LYRM4: variants seen among roughly 807,000 people sequenced by gnomAD.
The protein encoded by LYRM4 is LYR motif containing 4, also known as LYR motif-containing protein 4.
LYRM4 carries 9 observed loss-of-function variants against 11.7 expected under a neutral mutation model. That is an observed-to-expected ratio of 0.77 (90% confidence interval 0.46 to 1.34). The LOEUF is 1.34. Ranked by LOEUF, LYRM4 falls within the 40% of genes most tolerant of loss-of-function variation. LYRM4 has a pLI of 0.00. For synonymous variants in LYRM4, 42 were observed against 40.4 expected, an observed-to-expected ratio of 1.04 and a Z score of -0.15; for missense variants, 133 against 112.5, an observed-to-expected ratio of 1.18 and a Z score of -0.82.
chr6:5,186,676 G>GT, intron 2 of LYRM4: 1 of 985,508 alleles, frequency 1.0e-6, no homozygotes, highest in Non-Finnish European at 1.2e-6. Flanking sequence ...GAAGTGAAAT[G>GT]TAACTACATA....
intron 1 of LYRM4, among the ~76,000 whole-genome samples, chr6:5,242,769 T>G (rs1763960038): frequency 7.3e-6 from 1 of 137,764 alleles, no homozygotes; most frequent in African/African-American, 3.3e-5. Context: ...TTCTGCTCTT[T>G]TTTTTTTTTT....
At chr6:5,060,261 T>A in the LYRM4 span, among the ~76,000 whole-genome samples, 1 of 152,186 alleles carries the variant, frequency 6.6e-6, no homozygotes, top group African/African-American at 2.4e-5. Flanking sequence ...AGAGTGAGCC[T>A]TTTTTTCAAA....
chr6:5,192,922 A>C (rs765553470), intron 2 of LYRM4, among the ~76,000 whole-genome samples: 1 of 152,176 alleles, frequency 6.6e-6, no homozygotes, highest in Admixed American at 6.5e-5. Flanking sequence ...GCTACTCGGG[A>C]GGCTGAGGCA....
intron 2 of LYRM4, among the ~76,000 whole-genome samples, chr6:5,194,243 T>A (rs1244565404): frequency 6.6e-6 from 1 of 152,208 alleles, no homozygotes; most frequent in Non-Finnish European, 1.5e-5. Flanking sequence ...TCCTGAAGGT[T>A]TGGCCAACTG....
At chr6:5,211,053 T>C (rs1407022971) in intron 2 of LYRM4, among the ~76,000 whole-genome samples, 9 of 152,152 alleles carry the variant, frequency 5.9e-5, no homozygotes, top group Admixed American at 5.9e-4. Flanking sequence ...TTTTATAAAT[T>C]CTCTCAAACT....
intron 2 of LYRM4, among the ~76,000 whole-genome samples, chr6:5,155,411 A>G (rs922281983): frequency 1.3e-5 from 2 of 152,134 alleles, no homozygotes; most frequent in Admixed American, 6.5e-5. Context: ...ACTACTACAG[A>G]AACAGGACAG....
intron 1 of LYRM4, 112 bp downstream of exon 1, chr6:5,260,536 C>A (rs1410549107): frequency 7.0e-7 from 1 of 1,420,786 alleles, no homozygotes; most frequent in Admixed American, 2.2e-5. Context: ...GCCTCGCAGC[C>A]GCCGGCAAAC....
At chr6:5,158,473 G>T (rs1022591029) in intron 2 of LYRM4, among the ~76,000 whole-genome samples, 13 of 128,558 alleles carry the variant, frequency 1.0e-4, no homozygotes, top group African/African-American at 2.9e-4. Flanking sequence ...TGGTCTCCAC[G>T]TTTTTTTTTT....
chr6:5,173,907 C>A (rs1042703247), intron 2 of LYRM4, among the ~76,000 whole-genome samples: 1 of 152,170 alleles, frequency 6.6e-6, no homozygotes, highest in Non-Finnish European at 1.5e-5. Context: ...AGATTCCTGG[C>A]AGTATGGGTT....
chr6:5,190,982 A>C (rs1760717955), intron 2 of LYRM4, among the ~76,000 whole-genome samples: 2 of 152,206 alleles, frequency 1.3e-5, no homozygotes, highest in South Asian at 4.1e-4. Flanking sequence ...AACTTGCCTC[A>C]TGTGCCTTAA....
chr6:5,037,546 T>C, the LYRM4 span, among the ~76,000 whole-genome samples: 1 of 81,796 alleles, frequency 1.2e-5, no homozygotes, highest in Non-Finnish European at 2.9e-5. Flanking sequence ...GACGGGGTCC[T>C]GGCCGGGCAG....
intron 1 of LYRM4, among the ~76,000 whole-genome samples, chr6:5,229,239 A>C (rs903579384): frequency 6.6e-6 from 1 of 152,130 alleles, no homozygotes; most frequent in African/African-American, 2.4e-5. Flanking sequence ...TGGAAGTTTG[A>C]GAAGAGCCTC....
the LYRM4 span, among the ~76,000 whole-genome samples, chr6:5,090,557 G>T: frequency 2.0e-5 from 3 of 152,206 alleles, no homozygotes; most frequent in African/African-American, 4.8e-5. The surrounding 1 kb of genome is among the most constrained non-coding windows in gnomAD (Gnocchi z 4.8). Context: ...GGGAATGGGG[G>T]TAGTTGCTGT....
At chr6:5,165,079 T>C (rs1297806079) in intron 2 of LYRM4, among the ~76,000 whole-genome samples, 1 of 152,108 alleles carries the variant, frequency 6.6e-6, no homozygotes, top group African/African-American at 2.4e-5. Flanking sequence ...TACTTTTGAA[T>C]ATTATATCTT....
intron 2 of LYRM4, among the ~76,000 whole-genome samples, chr6:5,168,588 A>T (rs1759228167): frequency 6.6e-6 from 1 of 152,214 alleles, no homozygotes; most frequent in Non-Finnish European, 1.5e-5. Flanking sequence ...ATTACAGGAG[A>T]TAAAACAAAC....
chr6:5,047,434 T>A, the LYRM4 span, among the ~76,000 whole-genome samples: 1 of 152,202 alleles, frequency 6.6e-6, no homozygotes, highest in Admixed American at 6.6e-5. Flanking sequence ...CAAAAACATG[T>A]ATCTGCCTTA....
At chr6:5,152,978 G>T (rs527400626) in intron 2 of LYRM4, among the ~76,000 whole-genome samples, 3 of 152,320 alleles carry the variant, frequency 2.0e-5, no homozygotes, top group Non-Finnish European at 4.4e-5. Flanking sequence ...ACTTAAGGCC[G>T]CTGGGCTTGC....
intron 2 of LYRM4, among the ~76,000 whole-genome samples, chr6:5,115,452 A>G (rs1763076154): frequency 6.6e-6 from 1 of 152,174 alleles, no homozygotes; most frequent in Admixed American, 6.5e-5. Context: ...CTAGAACAAG[A>G]ACACGGGATT....
chr6:5,083,677 CTCAG>C, the LYRM4 span, among the ~76,000 whole-genome samples: 1 of 152,182 alleles, frequency 6.6e-6, no homozygotes, highest in Non-Finnish European at 1.5e-5. Flanking sequence ...CCTGTAGGTG[CTCAG>C]TCAATCAATG....
Sources: allele counts gnomAD v4.1 joint callset (sites outside exome capture counted in the v4.1 genomes callset), GRCh38; gene constraint gnomAD v4.1.1; non-coding constraint Gnocchi (gnomAD v3.1); transcripts MANE v1.5; gene names NCBI Gene and HGNC (gene_info 2026-07-23, HGNC 2026-07-21).